Variants in PCDHA1 observed in about 807,000 individuals in gnomAD.
PCDHA1 encodes protocadherin alpha 1.
Under a neutral mutation model 61.3 loss-of-function variants are expected in PCDHA1, and 42 were observed. The ratio of observed to expected loss-of-function variants is 0.69; its 90% CI spans 0.54 to 0.89. The LOEUF (loss-of-function observed/expected upper bound fraction) is 0.89. Ranked by LOEUF, PCDHA1 falls within the 40% of genes least tolerant of loss-of-function variation. PCDHA1 has a pLI of 0.00. For synonymous variants in PCDHA1, 610 were observed against 553.8 expected, an observed-to-expected ratio of 1.10 and a Z score of -1.43; for missense variants, 1,256 against 1,235.3, an observed-to-expected ratio of 1.02 and a Z score of -0.25.
rs369720251 is a variant in PCDHA1 at position 140,883,769 on chromosome 5, G to A, written c.2394+95085G>A. 9.3e-6 allele frequency: 15 copies of A among 1,612,378 alleles called. No homozygotes were observed. The South Asian group carries it at 1.2e-4, about 13-fold the overall frequency. On this transcript the variant is annotated intron_variant, in intron 1 of 3. Transcript: ENST00000504120. ...CTCGCTGGTGGAGCGGCGGGTGGGC[G>A]AGCGTGCGCTGTCGAGCTACGTGTC...
chr5:140,952,852 G>A (rs887887464), intron 1 of PCDHA1, among the ~76,000 whole-genome samples: 2 of 152,068 alleles, frequency 1.3e-5, no homozygotes, highest in Non-Finnish European at 2.9e-5. Context: ...TTGTCTTCTG[G>A]GGAGGCCTCA....
intron 1 of PCDHA1, chr5:140,807,555 T>C (rs1554124077): frequency 3.7e-6 from 6 of 1,613,804 alleles, no homozygotes; most frequent in Non-Finnish European, 5.1e-6. Flanking sequence ...GACGTGGAGG[T>C]GAGGGACATT....
chr5:140,799,310 T>A (rs1316655253), intron 1 of PCDHA1, among the ~76,000 whole-genome samples: 1 of 152,114 alleles, frequency 6.6e-6, no homozygotes, highest in African/African-American at 2.4e-5. Context: ...TTAGTATAAC[T>A]CTTAAAGGTA....
chr5:140,830,417 C>G, intron 1 of PCDHA1: 2 of 1,614,096 alleles, frequency 1.2e-6, no homozygotes, highest in Non-Finnish European at 1.7e-6. Context: ...TAGCCCCAGC[C>G]TTTCACCTTG....
Position 140,787,879 on chromosome 5 carries a change from T to C in PCDHA1, c.1589T>C (p.Leu530Pro), listed in dbSNP as rs1554118028. 8 of 1,613,274 alleles carry C rather than the reference T, an allele frequency of 5.0e-6. No homozygotes were observed. Among genetic ancestry groups the C allele is most frequent in the Non-Finnish European group, 8.5e-7 (1 of 1,179,790 alleles). ...CCCCTGGACCACGAGGAGCTGGAGCTGCTGCAGTTCCAGGTGAGCGCGCGG... is the reference window on the plus strand; with the variant it reads ...CCCCTGGACCACGAGGAGCTGGAGCCGCTGCAGTTCCAGGTGAGCGCGCGG... ...LQPLDHEELELLQFQVSARDA... is the reference protein window; with the variant it reads ...LQPLDHEELEPLQFQVSARDA... The change falls in exon 1 of 4, where the codon CTG becomes CCG. Residue 530 changes from leucine (L) to proline (P), a missense_variant. Transcript: ENST00000504120.
At position 140,876,683 on chromosome 5, in the gene PCDHA1, A is replaced by G. The variant is rs782371303; in HGVS notation, c.2394+87999A>G. ...AAGCTGGTGTCCACCTACAAGAATT[A>G]CTACTCGTTGGTGCTGGACAGCGCC... On this transcript the variant is annotated intron_variant, in intron 1 of 3. Coordinates refer to ENST00000504120, the MANE Select transcript of PCDHA1 (RefSeq NM_018900.4). 5 of 1,614,094 alleles carry G rather than the reference A, an allele frequency of 3.1e-6. No homozygotes were observed. In the South Asian group the frequency reaches 5.5e-5, roughly 18 times the overall value.
intron 1 of PCDHA1, among the ~76,000 whole-genome samples, chr5:140,888,308 G>A (rs1383199158): frequency 1.3e-5 from 2 of 152,106 alleles, no homozygotes; most frequent in Non-Finnish European, 2.9e-5. Flanking sequence ...AGATAATTTG[G>A]CAATGCCTGG....
chr5:140,927,157 G>A (rs868936673), intron 1 of PCDHA1: 2 of 1,614,144 alleles, frequency 1.2e-6, no homozygotes, highest in South Asian at 2.2e-5. Flanking sequence ...GCTGTGCAGG[G>A]CCAAAGCTGC....
intron 1 of PCDHA1, chr5:140,829,211 G>C (rs2150163941): frequency 6.2e-7 from 1 of 1,614,206 alleles, no homozygotes; most frequent in Non-Finnish European, 8.5e-7. Flanking sequence ...CCTAATTAGC[G>C]TGAACGACCT....
intron 1 of PCDHA1, chr5:140,816,776 T>C (rs1333175713): frequency 6.6e-6 from 1 of 152,120 alleles, no homozygotes; most frequent in East Asian, 1.9e-4. Flanking sequence ...TAATTCCTAA[T>C]TAGAGGGATC....
At chr5:140,801,198 ATGT>A (rs1554121309) in intron 1 of PCDHA1, 3 of 1,594,388 alleles carry the variant, frequency 1.9e-6, no homozygotes, top group Admixed American at 1.8e-5. Context: ...AATACTTGCA[ATGT>A]TGTTCTCCTG....
rs200308248 is a variant in PCDHA1 at position 140,834,522 on chromosome 5, C to T, written c.2394+45838C>T. The T allele has an allele frequency of 9.3e-5, 150 of 1,614,068 alleles. No homozygotes were observed. In the East Asian group the frequency reaches 2.3e-3, roughly 24 times the overall value. The stretch of plus-strand genomic sequence containing the variant: ...GGCTAAACATGGCAACTTCGTGGGC[C>T]GCATCGCGCAGGACCTGGGGCTGGA... On this transcript the variant is annotated intron_variant, in intron 1 of 3. Transcript: ENST00000504120.
chr5:140,879,469 G>A (rs1438617682), intron 1 of PCDHA1, among the ~76,000 whole-genome samples: 2 of 152,166 alleles, frequency 1.3e-5, no homozygotes, highest in Non-Finnish European at 2.9e-5. Context: ...AGAGAATACC[G>A]TTGTGATTGG....
intron 1 of PCDHA1, chr5:140,800,934 G>A: frequency 2.3e-6 from 2 of 867,394 alleles, no homozygotes; most frequent in East Asian, 3.6e-5. Flanking sequence ...AGAAATTTTG[G>A]GAAAGTTCAA....
At position 140,942,409 on chromosome 5, in the gene PCDHA1, TA is replaced by T. The variant is rs78736997; in HGVS notation, c.2395-36528del. Among the ~76,000 whole-genome samples, 464 of 143,336 alleles carry T rather than the reference TA, an allele frequency of 3.2e-3. 2 individuals are homozygous for T. Among genetic ancestry groups the T allele is most frequent in the African/African-American group, 7.7e-3 (304 of 39,312 alleles). The allele number at this position is 143,336 out of a possible 152,430, so 94.0% of individuals were successfully genotyped here. Reference sequence around the variant, plus strand: ...CCTGGGCGACAGATGAGACTCTGTTTAAAAAAAAAAAAGATATCTAACAATA... The same window carrying T: ...CCTGGGCGACAGATGAGACTCTGTTTAAAAAAAAAAAGATATCTAACAATA... On this transcript the variant is annotated intron_variant, in intron 1 of 3. Transcript: ENST00000504120.
chr5:140,795,431 G>A, intron 1 of PCDHA1: 1 of 1,614,148 alleles, frequency 6.2e-7, no homozygotes, highest in Non-Finnish European at 8.5e-7. Flanking sequence ...CCTCTAGAGG[G>A]AGCATCTGAT....
Position 140,805,532 on chromosome 5 carries a change from G to T in PCDHA1, c.2394+16848G>T, listed in dbSNP as rs1171916304. On this transcript the variant is annotated intron_variant, in intron 1 of 3. Transcript: ENST00000504120. Reference sequence around the variant, plus strand: ...GATTTTTTGTTTAGACAAACAGGATGAAAATAACTTTATGGATATAGGAGG... The same window carrying T: ...GATTTTTTGTTTAGACAAACAGGATTAAAATAACTTTATGGATATAGGAGG... 3 of 986,114 alleles carry T rather than the reference G, an allele frequency of 3.0e-6. No individual in the cohort carries two copies. In the African/African-American group the frequency reaches 5.2e-5, roughly 17 times the overall value. 61.1% of individuals were successfully genotyped at this position (986,114 alleles called of 1,614,324 possible). A position where few individuals can be genotyped will look rare whatever the true frequency, so the allele number is the denominator to read the frequency against.
chr5:140,897,949 G>A (rs2066421771), intron 1 of PCDHA1, among the ~76,000 whole-genome samples: 2 of 152,308 alleles, frequency 1.3e-5, no homozygotes, highest in African/African-American at 2.4e-5. Context: ...GTGATGATTA[G>A]CATTTTTTCA....
At chr5:140,828,367 C>G (rs2150154569) in intron 1 of PCDHA1, 12 of 1,614,132 alleles carry the variant, frequency 7.4e-6, no homozygotes, top group East Asian at 2.2e-5. Context: ...GGATCGACCG[C>G]GAGGAGCTGT....
Sources: gnomAD v4.1 joint callset for allele counts (sites outside exome capture counted in the v4.1 genomes callset) on GRCh38, gnomAD v4.1.1 for gene constraint, MANE v1.5 for transcripts, NCBI Gene and HGNC (gene_info 2026-07-23, HGNC 2026-07-21) for gene names.